The following PTPRK variants were observed in gnomAD, a reference collection of about 807,000 sequenced individuals.
The protein encoded by PTPRK is protein tyrosine phosphatase receptor type K.
In PTPRK, 75 loss-of-function variants were observed where a neutral mutation model predicts 178.0. That is an observed-to-expected ratio of 0.42 (90% confidence interval 0.35 to 0.51). The LOEUF is 0.51. Ranked by LOEUF, PTPRK falls within the 20% of genes least tolerant of loss-of-function variation. PTPRK has a pLI of 0.02. For missense variants in PTPRK, 1,441 were observed against 1,797.8 expected, an observed-to-expected ratio of 0.80 and a Z score of 3.59; for synonymous variants, 637 against 620.6, an observed-to-expected ratio of 1.03 and a Z score of -0.39.
intron 8 of PTPRK, among the ~76,000 whole-genome samples, chr6:128,085,910 G>T (rs985511262): frequency 6.6e-5 from 10 of 152,186 alleles, no homozygotes; most frequent in African/African-American, 2.4e-4. Context: ...GAGGTGAGGT[G>T]TGAGCACAAA....
chr6:128,397,585 T>C lies in PTPRK; in HGVS notation c.204A>G (p.Leu68=), dbSNP rs1371608656. ...VHVSAQEPHY[L]PPEMPQGSYM... ...TCTCACCTTGGGGCATCTCGGGTGG[T>C]AGATAATGAGGCTCTTGAGCACTAA... The change falls in exon 2 of 30, where the codon CTA becomes CTG. Residue 68 remains leucine, a synonymous_variant. Transcript: ENST00000368226. 1 of 1,613,792 alleles carries C rather than the reference T, an allele frequency of 6.2e-7. No homozygotes were observed. The highest frequency in any genetic ancestry group is 1.3e-5 in the African/African-American group (1 of 74,868).
intron 1 of PTPRK, among the ~76,000 whole-genome samples, chr6:128,494,600 C>T (rs1854389304): frequency 6.6e-6 from 1 of 152,060 alleles, no homozygotes; most frequent in African/African-American, 2.4e-5. Flanking sequence ...ATAGTACAAC[C>T]AAAACAACAA....
rs985286357 is a variant in PTPRK at position 128,065,725 on chromosome 6, T to C, written c.2158-931A>G. ...AATAAAGCAGTGAGGGGGGAATTAG[T>C]AATTAAAAATAAAATGTTGCACTTC... On this transcript the variant is annotated intron_variant, in intron 12 of 29. Coordinates refer to ENST00000368226, the MANE Select transcript of PTPRK (RefSeq NM_002844.4). 3.3e-5 allele frequency among the ~76,000 whole-genome samples: 5 copies of C among 152,220 alleles called. No individual in the cohort carries two copies. The East Asian group carries it at 9.6e-4, about 29-fold the overall frequency.
chr6:128,436,765 A>AT (rs1845652252), intron 1 of PTPRK, among the ~76,000 whole-genome samples: 1 of 152,138 alleles, frequency 6.6e-6, no homozygotes, highest in Non-Finnish European at 1.5e-5. Context: ...GACTGATAAG[A>AT]TTTTGCTTTG....
chr6:128,038,571 G>A (rs184256732), intron 13 of PTPRK, among the ~76,000 whole-genome samples: 2 of 152,238 alleles, frequency 1.3e-5, no homozygotes, highest in African/African-American at 4.8e-5. Flanking sequence ...GAGACTGTCA[G>A]TGATTACAAA....
intron 2 of PTPRK, among the ~76,000 whole-genome samples, chr6:128,394,348 T>C (rs1840004933): frequency 2.0e-5 from 3 of 152,202 alleles, no homozygotes; most frequent in Admixed American, 1.3e-4. Context: ...ACATGTCTTT[T>C]GGTGAACATG....
Position 128,051,825 on chromosome 6 carries a change from A to AT in PTPRK, c.2194+12932dup, listed in dbSNP as rs111955343. ...TTTTCCAATTACATTTATGTTAGCT[A>AT]TTTTTTGGTACCCTACACTTGGCTT... On this transcript the variant is annotated intron_variant, in intron 13 of 29. Transcript: ENST00000368226. Among the ~76,000 whole-genome samples, 1,438 of 152,050 alleles carry AT rather than the reference A, an allele frequency of 9.5e-3. 20 individuals are homozygous for AT. Among genetic ancestry groups the AT allele is most frequent in the African/African-American group, 0.033 (1,358 of 41,486 alleles).
chr6:128,243,313 G>A, intron 3 of PTPRK, among the ~76,000 whole-genome samples: 1 of 151,678 alleles, frequency 6.6e-6, no homozygotes, highest in East Asian at 1.9e-4. Context: ...TCATTTTACA[G>A]TTTTGTAGTT....
At chr6:128,290,473 G>T (rs1823203112) in intron 3 of PTPRK, among the ~76,000 whole-genome samples, 1 of 151,926 alleles carries the variant, frequency 6.6e-6, no homozygotes, top group African/African-American at 2.4e-5. Flanking sequence ...CAAATTCTCA[G>T]GTCTTTCCCC....
At chr6:128,103,437 T>C (rs910447209) in intron 7 of PTPRK, among the ~76,000 whole-genome samples, 2 of 152,130 alleles carry the variant, frequency 1.3e-5, no homozygotes, top group Non-Finnish European at 2.9e-5. Context: ...CACTGTAACA[T>C]ACCCACTGGG....
At chr6:128,291,278 G>C (rs1294998635) in intron 3 of PTPRK, among the ~76,000 whole-genome samples, 1 of 152,140 alleles carries the variant, frequency 6.6e-6, no homozygotes, top group African/African-American at 2.4e-5. Flanking sequence ...AAGGTGGGTA[G>C]ATGGCCTTCT....
chr6:128,221,523 CAA>C (rs578034379), intron 5 of PTPRK, among the ~76,000 whole-genome samples: 2,392 of 122,320 alleles, frequency 0.02, 32 homozygotes, highest in African/African-American at 0.044. Flanking sequence ...GATTCTGTCT[CAA>C]AAAAAAAAAA....
chr6:128,221,064 T>C (rs1238681676), intron 5 of PTPRK, among the ~76,000 whole-genome samples: 2 of 152,208 alleles, frequency 1.3e-5, no homozygotes, highest in African/African-American at 4.8e-5. Flanking sequence ...ATTTAAAAAT[T>C]CCTTAAGGAT....
chr6:128,021,868 T>C (rs1482559165), intron 13 of PTPRK, among the ~76,000 whole-genome samples: 1 of 152,192 alleles, frequency 6.6e-6, no homozygotes. Flanking sequence ...CTCAGTTTCT[T>C]TGTCTATAAA....
intron 2 of PTPRK, among the ~76,000 whole-genome samples, chr6:128,324,203 T>C (rs1329535131): frequency 6.6e-6 from 1 of 152,114 alleles, no homozygotes; most frequent in Non-Finnish European, 1.5e-5. Context: ...CAGTGGAATA[T>C]TATGGCAGTA....
intron 7 of PTPRK, among the ~76,000 whole-genome samples, chr6:128,092,380 A>T (rs959361141): frequency 3.3e-5 from 5 of 152,278 alleles, no homozygotes; most frequent in African/African-American, 1.2e-4. Context: ...ACAGACTAAA[A>T]ATCAAAACTT....
chr6:128,251,341 G>A (rs1255104614), intron 3 of PTPRK, among the ~76,000 whole-genome samples: 1 of 152,086 alleles, frequency 6.6e-6, no homozygotes, highest in East Asian at 1.9e-4. Context: ...AAATATGGAA[G>A]GCAATTAAGA....
chr6:128,413,413 T>C (rs975943701), intron 1 of PTPRK, among the ~76,000 whole-genome samples: 5 of 151,656 alleles, frequency 3.3e-5, no homozygotes, highest in Non-Finnish European at 7.4e-5. Context: ...ATGTGAGGAG[T>C]TGCGAAAGAC....
At chr6:128,303,397 G>A (rs1825924581) in intron 3 of PTPRK, among the ~76,000 whole-genome samples, 1 of 152,206 alleles carries the variant, frequency 6.6e-6, no homozygotes, top group South Asian at 2.1e-4. Context: ...CAGTCTATGA[G>A]AAGCCCTTAG....
Sources: gnomAD v4.1 joint callset for allele counts (sites outside exome capture counted in the v4.1 genomes callset) on GRCh38, gnomAD v4.1.1 for gene constraint, MANE v1.5 for transcripts, NCBI Gene and HGNC (gene_info 2026-07-23, HGNC 2026-07-21) for gene names.